Variants in UBE2Q2 observed in about 807,000 individuals in gnomAD.
UBE2Q2 encodes the protein ubiquitin conjugating enzyme E2 Q2, also known as ubiquitin-conjugating enzyme E2 Q2.
A neutral mutation model predicts 59.9 loss-of-function variants in UBE2Q2; 54 were observed. That is an observed-to-expected ratio of 0.90 (90% CI 0.72 to 1.13). The LOEUF (loss-of-function observed/expected upper bound fraction) is 1.13. Ranked by LOEUF, UBE2Q2 falls within the 50% of genes most tolerant of loss-of-function variation. The pLI is 0.00. For synonymous variants in UBE2Q2, 165 were observed against 155.2 expected (o/e 1.06, Z -0.47); for missense variants, 433 against 441.9 (o/e 0.98, Z 0.18).
chr15:75,900,062 A>G lies in UBE2Q2; in HGVS notation c.*604A>G, dbSNP rs1195605834. ...TTAATTGAGTTGTATTGTACTTCTT[A>G]GGCAAAGCAGTGTAAAACTGTATCA... On this transcript the variant is annotated 3_prime_UTR_variant, in exon 13 of 13. Coordinates refer to ENST00000267938, the MANE Select transcript of UBE2Q2 (RefSeq NM_173469.4). The G allele has an allele frequency of 6.6e-6, 1 of 152,620 alleles. No individual in the cohort carries two copies. Among genetic ancestry groups the G allele is most frequent in the Non-Finnish European group, 1.5e-5 (1 of 68,044 alleles). The allele number at this position is 152,620 out of a possible 1,614,324, so 9.5% of individuals were successfully genotyped here.
In UBE2Q2 at chr15:75,856,349, C is replaced by CT. The variant is rs557771967; in HGVS notation, c.282+1863dup. On this transcript the variant is annotated intron_variant, in intron 2 of 12. Coordinates refer to ENST00000267938, the MANE Select transcript of UBE2Q2 (RefSeq NM_173469.4). ...ATTTTTGGAAGTTGACAAAATGACT[C>CT]TAACATTTGTTTAAAAGGGTAAATG... 1.7e-4 allele frequency among the ~76,000 whole-genome samples: 26 copies of CT among 150,860 alleles called. No individual in the cohort carries two copies. In the East Asian group the frequency reaches 4.1e-3, roughly 24 times the overall value.
intron 3 of UBE2Q2, among the ~76,000 whole-genome samples, chr15:75,867,524 C>G (rs920820604): frequency 6.6e-6 from 1 of 152,104 alleles, no homozygotes; most frequent in Non-Finnish European, 1.5e-5. Flanking sequence ...TTATAAAATT[C>G]TGTCATTTCA....
intron 4 of UBE2Q2, among the ~76,000 whole-genome samples, chr15:75,871,696 G>A (rs1327087334): frequency 6.6e-6 from 1 of 152,198 alleles, no homozygotes; most frequent in East Asian, 1.9e-4. Flanking sequence ...TTGGGGGTAA[G>A]GTCAAAGATT....
intron 9 of UBE2Q2, among the ~76,000 whole-genome samples, chr15:75,889,384 A>G (rs1898966461): frequency 6.6e-6 from 1 of 152,196 alleles, no homozygotes; most frequent in Non-Finnish European, 1.5e-5. Context: ...ATTATTAAAT[A>G]TTGTCACTGT....
chr15:75,890,860 C>A, intron 10 of UBE2Q2, 59 bp from the exon 11 acceptor site: 1 of 1,473,540 alleles, frequency 6.8e-7, no homozygotes, highest in Non-Finnish European at 9.5e-7. Flanking sequence ...TTTGTTAGGC[C>A]TTCCCAAGTG....
chr15:75,862,203 C>T (rs962565033), intron 3 of UBE2Q2, among the ~76,000 whole-genome samples: 6 of 152,064 alleles, frequency 3.9e-5, no homozygotes, highest in African/African-American at 1.4e-4. Context: ...CATCCAAGGA[C>T]GTGATGACAG....
intron 1 of UBE2Q2, among the ~76,000 whole-genome samples, chr15:75,850,830 T>C (rs953125565): frequency 8.5e-5 from 13 of 152,224 alleles, no homozygotes; most frequent in African/African-American, 2.2e-4. Context: ...TTACGTCTAT[T>C]GGTATTTATC....
intron 4 of UBE2Q2, among the ~76,000 whole-genome samples, chr15:75,870,781 G>A (rs1280414279): frequency 6.6e-6 from 1 of 152,160 alleles, no homozygotes; most frequent in East Asian, 1.9e-4. Context: ...GAAAAAACAA[G>A]ATTGGCTAGA....
chr15:75,894,097 G>T (rs1330255187), intron 11 of UBE2Q2, among the ~76,000 whole-genome samples: 2 of 152,102 alleles, frequency 1.3e-5, no homozygotes, highest in East Asian at 3.8e-4. Flanking sequence ...CAGCCTTTAG[G>T]TCAAACAGGG....
At chr15:75,884,773 C>T (rs1898660853) in intron 9 of UBE2Q2, among the ~76,000 whole-genome samples, 1 of 152,104 alleles carries the variant, frequency 6.6e-6, no homozygotes, top group Non-Finnish European at 1.5e-5. Flanking sequence ...TATCTTCCCA[C>T]CTCAGCCTCC....
At position 75,843,769 on chromosome 15, in the gene UBE2Q2, C is replaced by T; in HGVS notation, c.103C>T (p.His35Tyr). The change falls in exon 1 of 13, where the codon CAC becomes TAC. Residue 35 changes from histidine to tyrosine, a missense_variant. Transcript: ENST00000267938. ...CGTCAGTTGGAAGCTGGACGAGCTG[C>T]ACTGCCAGTTCCTGGTGCCGCAGCA... is the stretch of plus-strand genomic sequence containing the variant. ...RIVSWKLDEL[H>Y]CQFLVPQQGS... is the part of the protein sequence containing the mutation. 2 of 1,610,414 alleles carry T rather than the reference C, an allele frequency of 1.2e-6. No individual in the cohort carries two copies. The highest frequency in any genetic ancestry group is 1.7e-6 in the Non-Finnish European group (2 of 1,178,794).
At chr15:75,856,269 G>GTGTGTA (rs1256142539) in intron 2 of UBE2Q2, among the ~76,000 whole-genome samples, 2,657 of 139,172 alleles carry the variant, frequency 0.019, 26 homozygotes, top group Non-Finnish European at 0.029. Flanking sequence ...GTGTGTGTGT[G>GTGTGTA]TATATATATA....
chr15:75,885,231 C>G (rs1898692453), intron 9 of UBE2Q2, among the ~76,000 whole-genome samples: 1 of 152,110 alleles, frequency 6.6e-6, no homozygotes, highest in Non-Finnish European at 1.5e-5. Context: ...AACAATTCTC[C>G]TGCCTTAGCC....
intron 6 of UBE2Q2, among the ~76,000 whole-genome samples, chr15:75,877,159 CAA>C (rs59289858): frequency 7.4e-5 from 5 of 67,664 alleles, no homozygotes; most frequent in Admixed American, 2.5e-4. Context: ...GAGACTCTGT[CAA>C]AAAAAAAAAA....
At chr15:75,876,295 C>T (rs1898076594) in intron 6 of UBE2Q2, 24 bp downstream of exon 6, 11 of 1,579,706 alleles carry the variant, frequency 7.0e-6, no homozygotes, top group Non-Finnish European at 9.6e-6. Context: ...GATCCCTGCT[C>T]TCTTTATGAT....
At chr15:75,856,207 A>G (rs1896893815) in intron 2 of UBE2Q2, among the ~76,000 whole-genome samples, 2 of 149,842 alleles carry the variant, frequency 1.3e-5, no homozygotes, top group East Asian at 2.0e-4. Context: ...GTATATATAT[A>G]TGTGTGTGTT....
intron 1 of UBE2Q2, among the ~76,000 whole-genome samples, chr15:75,846,050 T>C (rs772681381): frequency 3.3e-5 from 5 of 152,316 alleles, no homozygotes; most frequent in Non-Finnish European, 7.4e-5. Context: ...CTGCTAACTT[T>C]TTATTATGGA....
intron 1 of UBE2Q2, among the ~76,000 whole-genome samples, chr15:75,846,438 A>G (rs1287920239): frequency 6.6e-6 from 1 of 152,030 alleles, no homozygotes; most frequent in Non-Finnish European, 1.5e-5. Context: ...GGGTTTCACC[A>G]TGTTGGCCAG....
At chr15:75,881,598 G>A (rs943521483) in intron 8 of UBE2Q2, among the ~76,000 whole-genome samples, 2 of 152,134 alleles carry the variant, frequency 1.3e-5, no homozygotes, top group African/African-American at 2.4e-5. Flanking sequence ...TATTAGTATC[G>A]GGATTCACAG....
Sources: allele counts gnomAD v4.1 joint callset (sites outside exome capture counted in the v4.1 genomes callset), GRCh38; gene constraint gnomAD v4.1.1; transcripts MANE v1.5; gene names NCBI Gene and HGNC (gene_info 2026-07-23, HGNC 2026-07-21).